The following PCDHA13 variants were observed in gnomAD, a reference collection of about 807,000 sequenced individuals.
The protein encoded by PCDHA13 is protocadherin alpha 13.
PCDHA13 carries 54 observed loss-of-function variants against 64.8 expected under a neutral mutation model. That is an observed-to-expected ratio of 0.83 (90% CI 0.67 to 1.04). PCDHA13 has a LOEUF of 1.04. Among genes scored for constraint, PCDHA13 ranks in the 50% least tolerant of loss-of-function variants. The pLI is 0.00. For missense variants in PCDHA13, 1,248 were observed against 1,254.3 expected (o/e 0.99, Z 0.08); for synonymous variants, 587 against 564.4 (o/e 1.04, Z -0.57).
intron 1 of PCDHA13, among the ~76,000 whole-genome samples, chr5:140,941,460 C>T (rs530075226): frequency 4.6e-4 from 69 of 151,184 alleles, no homozygotes; most frequent in African/African-American, 1.6e-3. Context: ...GGATTACAGG[C>T]GCCCACCACC....
At chr5:140,965,716 C>T (rs75761543) in intron 1 of PCDHA13, among the ~76,000 whole-genome samples, 2,507 of 152,272 alleles carry the variant, frequency 0.016, 70 homozygotes, top group African/African-American at 0.056. Flanking sequence ...AGAAGAATCT[C>T]TTTAAAAATT....
At chr5:140,941,558 A>G (rs903071259) in intron 1 of PCDHA13, among the ~76,000 whole-genome samples, 1 of 151,596 alleles carries the variant, frequency 6.6e-6, no homozygotes, top group African/African-American at 2.4e-5. Context: ...CTCGTGATCC[A>G]TTCGCCTCAG....
chr5:140,921,631 T>C (rs1435281144), intron 1 of PCDHA13, among the ~76,000 whole-genome samples: 2 of 152,206 alleles, frequency 1.3e-5, no homozygotes, highest in Non-Finnish European at 2.9e-5. Flanking sequence ...ATCATCATTA[T>C]GGTAGCTATT....
intron 3 of PCDHA13, among the ~76,000 whole-genome samples, chr5:140,984,922 C>T (rs2097125803): frequency 6.6e-6 from 1 of 152,074 alleles, no homozygotes; most frequent in Non-Finnish European, 1.5e-5. Flanking sequence ...TAGTGCTTGA[C>T]ATATAGTTAA....
intron 1 of PCDHA13, among the ~76,000 whole-genome samples, chr5:140,887,968 T>C (rs1434403033): frequency 6.6e-6 from 1 of 152,242 alleles, no homozygotes; most frequent in Non-Finnish European, 1.5e-5. Context: ...TTTGTCTCTT[T>C]TAAAATTTAT....
At chr5:140,983,104 T>C (rs907787884) in intron 3 of PCDHA13, among the ~76,000 whole-genome samples, 3 of 152,234 alleles carry the variant, frequency 2.0e-5, no homozygotes, top group Admixed American at 1.3e-4. Flanking sequence ...TGCTTCTCTC[T>C]GCACATCAAC....
intron 1 of PCDHA13, among the ~76,000 whole-genome samples, chr5:140,945,881 A>C (rs1334626828): frequency 6.6e-6 from 1 of 152,158 alleles, no homozygotes; most frequent in African/African-American, 2.4e-5. Flanking sequence ...AAAACTAACA[A>C]AGAAAACACA....
intron 1 of PCDHA13, among the ~76,000 whole-genome samples, chr5:140,916,824 T>C (rs1207821220): frequency 6.6e-6 from 1 of 152,124 alleles, no homozygotes; most frequent in Non-Finnish European, 1.5e-5. Context: ...GCCACCCCTA[T>C]CCCTCTGGTT....
chr5:140,909,516 C>G (rs1213307040), intron 1 of PCDHA13, among the ~76,000 whole-genome samples: 1 of 152,152 alleles, frequency 6.6e-6, no homozygotes, highest in Non-Finnish European at 1.5e-5. Context: ...GAATCACAAC[C>G]CCTGCACATT....
intron 1 of PCDHA13, among the ~76,000 whole-genome samples, chr5:140,964,913 A>G (rs1254329232): frequency 6.6e-6 from 1 of 152,202 alleles, no homozygotes; most frequent in African/African-American, 2.4e-5. Context: ...CTCTGGAATA[A>G]CACTGGCTAG....
At chr5:140,899,111 A>G (rs2067143820) in intron 1 of PCDHA13, among the ~76,000 whole-genome samples, 1 of 152,186 alleles carries the variant, frequency 6.6e-6, no homozygotes, top group Admixed American at 6.5e-5. Context: ...GGGGTTTTCT[A>G]GATATACAAT....
chr5:140,950,536 T>A (rs182006309), intron 1 of PCDHA13, among the ~76,000 whole-genome samples: 1 of 152,222 alleles, frequency 6.6e-6, no homozygotes, highest in East Asian at 1.9e-4. Flanking sequence ...TTTTTGTTGC[T>A]CTTGCATGGC....
intron 1 of PCDHA13, among the ~76,000 whole-genome samples, chr5:140,942,586 A>C (rs559683622): frequency 1.3e-5 from 2 of 150,518 alleles, no homozygotes; most frequent in African/African-American, 4.9e-5. Context: ...ATAGGATGTC[A>C]CATATAATTA....
intron 1 of PCDHA13, among the ~76,000 whole-genome samples, chr5:140,907,449 A>G (rs1554192997): frequency 6.6e-6 from 1 of 152,232 alleles, no homozygotes; most frequent in Admixed American, 6.5e-5. Flanking sequence ...ACAGATGGTA[A>G]TCTTGGCAGA....
intron 3 of PCDHA13, among the ~76,000 whole-genome samples, chr5:140,995,888 T>C (rs1307052037): frequency 3.3e-5 from 5 of 152,216 alleles, no homozygotes; most frequent in Non-Finnish European, 5.9e-5. Flanking sequence ...GCTTCAGATT[T>C]ATCAATGTAT....
intron 1 of PCDHA13, among the ~76,000 whole-genome samples, chr5:140,948,865 C>A (rs1358865868): frequency 1.3e-5 from 2 of 151,324 alleles, no homozygotes; most frequent in Non-Finnish European, 3.0e-5. Context: ...TATATTACTT[C>A]GGGTTTACTT....
chr5:140,920,821 C>T (rs1389717155), intron 1 of PCDHA13, among the ~76,000 whole-genome samples: 11 of 146,336 alleles, frequency 7.5e-5, no homozygotes, highest in South Asian at 2.1e-4. Flanking sequence ...TCCAGCCTGG[C>T]GACGGAGCAA....
At chr5:140,929,590 G>T in intron 1 of PCDHA13, 1 of 426,240 alleles carries the variant, frequency 2.3e-6, no homozygotes, top group Non-Finnish European at 4.2e-6. Context: ...TGACATAAAG[G>T]TCTAAAATTA....
intron 3 of PCDHA13, among the ~76,000 whole-genome samples, chr5:140,994,140 A>G (rs768317904): frequency 7.2e-5 from 11 of 152,230 alleles, no homozygotes; most frequent in Non-Finnish European, 1.5e-4. Context: ...ATAATGCCCT[A>G]CGTAGGTAGG....
Sources: gnomAD v4.1 joint callset for allele counts (sites outside exome capture counted in the v4.1 genomes callset) on GRCh38, gnomAD v4.1.1 for gene constraint, MANE v1.5 for transcripts, NCBI Gene and HGNC (gene_info 2026-07-23, HGNC 2026-07-21) for gene names.